The following FAT4 variants were observed in gnomAD, a reference collection of about 807,000 sequenced individuals.
The protein encoded by FAT4 is protocadherin Fat 4.
FAT4 carries 84 observed loss-of-function variants against 303.9 expected under a neutral mutation model. The observed-to-expected ratio is 0.28, with a 90% confidence interval of 0.23 to 0.33. FAT4 has a LOEUF of 0.33. FAT4 is among the 10% of genes least tolerant of loss of function. The probability of loss-of-function intolerance (pLI) is 1.00; values close to 1 mark genes in which losing one functional copy is unlikely to be tolerated. For missense variants in FAT4, 6,005 were observed against 6,146.8 expected (o/e 0.98, Z 0.77); for synonymous variants, 2,307 against 2,298.8 (o/e 1.00, Z -0.10).
At chr4:125,342,153 C>T (rs1376678931) in intron 2 of FAT4, among the ~76,000 whole-genome samples, 1 of 151,590 alleles carries the variant, frequency 6.6e-6, no homozygotes, top group Non-Finnish European at 1.5e-5. Flanking sequence ...TATGATTATC[C>T]CAATACTATA....
chr4:125,396,296 A>T (rs546871283), intron 2 of FAT4, among the ~76,000 whole-genome samples: 1 of 152,196 alleles, frequency 6.6e-6, no homozygotes, highest in Admixed American at 6.5e-5. Flanking sequence ...GTATCTACAT[A>T]CACATATAAC....
chr4:125,472,290 A>G (rs2126079796), intron 12 of FAT4, among the ~76,000 whole-genome samples: 1 of 152,284 alleles, frequency 6.6e-6, no homozygotes, highest in East Asian at 1.9e-4. Flanking sequence ...GACAACTTAT[A>G]TAGTCCTTAG....
chr4:125,326,210 G>C (rs944588731), intron 2 of FAT4, among the ~76,000 whole-genome samples: 6 of 151,946 alleles, frequency 3.9e-5, no homozygotes, highest in African/African-American at 1.2e-4. Context: ...AAACTATTAA[G>C]ATTTCCAAGA....
At chr4:125,402,356 A>G (rs561602314) in intron 3 of FAT4, among the ~76,000 whole-genome samples, 148 of 152,124 alleles carry the variant, frequency 9.7e-4, no homozygotes, top group African/African-American at 3.4e-3. Flanking sequence ...CCACTTTACT[A>G]AAATAATGGA....
At chr4:125,403,297 A>G (rs1395634069) in intron 3 of FAT4, among the ~76,000 whole-genome samples, 1 of 152,128 alleles carries the variant, frequency 6.6e-6, no homozygotes, top group Non-Finnish European at 1.5e-5. Context: ...CCAATGCCAC[A>G]TGACTAATAA....
chr4:125,338,698 G>C (rs920589642), intron 2 of FAT4, among the ~76,000 whole-genome samples: 1 of 152,066 alleles, frequency 6.6e-6, no homozygotes, highest in Non-Finnish European at 1.5e-5. Flanking sequence ...ACTGGTTTCT[G>C]TAATCTCAAC....
At chr4:125,379,993 A>G (rs926367704) in intron 2 of FAT4, among the ~76,000 whole-genome samples, 1 of 152,134 alleles carries the variant, frequency 6.6e-6, no homozygotes, top group African/African-American at 2.4e-5. Flanking sequence ...TCCAGAGTTC[A>G]AGTGATTCTC....
intron 2 of FAT4, among the ~76,000 whole-genome samples, chr4:125,339,288 C>T (rs1207878221): frequency 2.0e-5 from 3 of 152,028 alleles, no homozygotes; most frequent in Non-Finnish European, 4.4e-5. Flanking sequence ...CTCAGCCTCC[C>T]GGGTTCAAGC....
At chr4:125,402,679 A>T (rs1056860223) in intron 3 of FAT4, among the ~76,000 whole-genome samples, 4 of 152,066 alleles carry the variant, frequency 2.6e-5, no homozygotes, top group Admixed American at 2.0e-4. Flanking sequence ...ATGTTTGACC[A>T]TGAAGGAAAA....
At chr4:125,350,644 T>G (rs1732184471) in intron 2 of FAT4, among the ~76,000 whole-genome samples, 1 of 151,700 alleles carries the variant, frequency 6.6e-6, no homozygotes, top group Non-Finnish European at 1.5e-5. Flanking sequence ...AGAAGCACCT[T>G]TGTCCCCAGA....
chr4:125,441,833 G>C (rs1265288565), intron 8 of FAT4, among the ~76,000 whole-genome samples: 1 of 152,144 alleles, frequency 6.6e-6, no homozygotes, highest in Non-Finnish European at 1.5e-5. Context: ...ATCATTTTCT[G>C]CTCATGGGAC....
At chr4:125,430,377 C>G (rs1725244434) in intron 7 of FAT4, among the ~76,000 whole-genome samples, 1 of 151,956 alleles carries the variant, frequency 6.6e-6, no homozygotes, top group African/African-American at 2.4e-5. Context: ...CTGTGTAAAG[C>G]TGATTTGGAG....
At position 125,490,576 on chromosome 4, in the gene FAT4, A is replaced by C. The variant is rs954343822; in HGVS notation, c.13760A>C (p.Glu4587Ala). 1 of 1,614,074 alleles carries C rather than the reference A, an allele frequency of 6.2e-7. No individual in the cohort carries two copies. The highest frequency in any genetic ancestry group is 8.5e-7 in the Non-Finnish European group (1 of 1,180,044). ...GGGAACCCAAAACCAGATATCATTG[A>C]AAGGGAAAACCCCTACCTTATCTAT... ...PEGNPKPDII[E>A]RENPYLIYDE... Residue 4587 changes from glutamate (E) to alanine (A), a missense_variant, in exon 18 of 18, where the codon GAA (glutamate) becomes GCA (alanine). Coordinates refer to ENST00000394329, the MANE Select transcript of FAT4 (RefSeq NM_001291303.3).
intron 12 of FAT4, among the ~76,000 whole-genome samples, chr4:125,472,204 C>T (rs1243838938): frequency 6.6e-6 from 1 of 151,694 alleles, no homozygotes; most frequent in African/African-American, 2.4e-5. Flanking sequence ...GCCCTTAAAT[C>T]ATTTTAAATG....
In FAT4 at chr4:125,320,180, C is replaced by G. The variant is rs36052762; in HGVS notation, c.3769C>G (p.Gln1257Glu). Reference protein sequence around the residue: ...YSIIKGNEERQFAIDSTSGQV... With the variant: ...YSIIKGNEEREFAIDSTSGQV... ...TATAATAAAAGGAAATGAAGAAAGACAGTTTGCTATAGACAGTACCTCTGG... is the reference window on the plus strand; with the variant it reads ...TATAATAAAAGGAAATGAAGAAAGAGAGTTTGCTATAGACAGTACCTCTGG... The change falls in exon 2 of 18, where the codon CAG becomes GAG. Residue 1257 changes from glutamine to glutamate, a missense_variant. Gln to Glu is a conservative substitution (Grantham distance 29). Coordinates refer to ENST00000394329, the MANE Select transcript of FAT4 (RefSeq NM_001291303.3). 90,171 of 1,613,542 alleles carry G rather than the reference C, an allele frequency of 0.056. 4,629 individuals are homozygous for G. Among genetic ancestry groups the G allele is most frequent in the East Asian group, 0.22 (9,918 of 44,836 alleles).
rs1734739979 is a variant in FAT4, at chr4:125,409,071, T to A, written c.5920+277T>A. ...GTAGGGTCGTGTTTCAATTTAGCAATGTAGAAGTCATAAGACCACTTTTTT... is the reference window on the plus strand; with the variant it reads ...GTAGGGTCGTGTTTCAATTTAGCAAAGTAGAAGTCATAAGACCACTTTTTT... On this transcript the variant is annotated intron_variant, in intron 5 of 17. Coordinates refer to ENST00000394329, the MANE Select transcript of FAT4 (RefSeq NM_001291303.3). Among the ~76,000 whole-genome samples, 4 of 152,100 alleles carry A rather than the reference T, an allele frequency of 2.6e-5. 1 individual carries two copies. The South Asian group carries it at 8.3e-4, about 32-fold the overall frequency.
intron 2 of FAT4, among the ~76,000 whole-genome samples, chr4:125,335,342 T>G (rs1366521759): frequency 6.6e-6 from 1 of 152,026 alleles, no homozygotes; most frequent in Non-Finnish European, 1.5e-5. Context: ...TAGATGTTGA[T>G]GATGGGGTTG....
intron 2 of FAT4, among the ~76,000 whole-genome samples, chr4:125,343,191 T>C (rs1731864476): frequency 6.6e-6 from 1 of 152,196 alleles, no homozygotes; most frequent in Non-Finnish European, 1.5e-5. Flanking sequence ...GCTATTGAGT[T>C]CTCTGAATCT....
At chr4:125,427,205 T>C (rs1251656095) in intron 7 of FAT4, among the ~76,000 whole-genome samples, 2 of 151,704 alleles carry the variant, frequency 1.3e-5, no homozygotes, top group African/African-American at 4.8e-5. Flanking sequence ...TTAAAAATTA[T>C]GATAAGATGT....
Sources: gnomAD v4.1 joint callset for allele counts (sites outside exome capture counted in the v4.1 genomes callset) on GRCh38, gnomAD v4.1.1 for gene constraint, MANE v1.5 for transcripts, NCBI Gene and HGNC (gene_info 2026-07-23, HGNC 2026-07-21) for gene names.